ST8SIA4: variants seen among roughly 807,000 people sequenced by gnomAD.
ST8SIA4 encodes ST8 alpha-N-acetyl-neuraminide alpha-2,8-sialyltransferase 4, also known as CMP-N-acetylneuraminate-poly-alpha-2,8-sialyltransferase.
In ST8SIA4, 15 loss-of-function variants were observed where a neutral mutation model predicts 33.9. The observed-to-expected ratio is 0.44, with a 90% CI of 0.30 to 0.68. ST8SIA4 has a LOEUF of 0.68. Among genes scored for constraint, ST8SIA4 ranks in the 30% least tolerant of loss-of-function variants. The probability of loss-of-function intolerance (pLI) is 0.10; values close to 1 mark genes in which losing one functional copy is unlikely to be tolerated. For synonymous variants in ST8SIA4, 171 were observed against 151.2 expected, an observed-to-expected ratio of 1.13 and a Z score of -0.96; for missense variants, 321 against 428.0, an observed-to-expected ratio of 0.75 and a Z score of 2.21.
intron 3 of ST8SIA4, among the ~76,000 whole-genome samples, chr5:100,871,615 C>A (rs1000994334): frequency 1.3e-5 from 2 of 152,032 alleles, no homozygotes; most frequent in Non-Finnish European, 2.9e-5. Context: ...TTATTCATAT[C>A]AGACAATAAT....
At chr5:100,823,185 C>T (rs1057256982) in intron 4 of ST8SIA4, among the ~76,000 whole-genome samples, 6 of 151,964 alleles carry the variant, frequency 3.9e-5, no homozygotes, top group East Asian at 1.9e-4. Flanking sequence ...AAAACCAAGA[C>T]GGTGATGAGA....
chr5:100,827,114 TCTC>T (rs1342242434), intron 4 of ST8SIA4, among the ~76,000 whole-genome samples: 1 of 152,106 alleles, frequency 6.6e-6, no homozygotes, highest in Non-Finnish European at 1.5e-5. Flanking sequence ...TCACTGGGCT[TCTC>T]CTGACACTAA....
At chr5:100,902,781 TA>T in intron 1 of ST8SIA4, 61 bp downstream of exon 1, 1 of 1,370,030 alleles carries the variant, frequency 7.3e-7, no homozygotes, top group South Asian at 1.2e-5. Context: ...CTACCCTCTA[TA>T]TTCACATTTC....
At chr5:100,890,559 T>C (rs1451431809) in intron 2 of ST8SIA4, 1 of 151,896 alleles carries the variant, frequency 6.6e-6, no homozygotes, top group Admixed American at 6.6e-5. Context: ...TAATGCTTAA[T>C]ATGCATGCTT....
intron 4 of ST8SIA4, among the ~76,000 whole-genome samples, chr5:100,848,669 T>C (rs890911159): frequency 2.7e-5 from 4 of 150,304 alleles, no homozygotes; most frequent in African/African-American, 9.7e-5. Flanking sequence ...AATATGTATG[T>C]ATACTAATTT....
intron 3 of ST8SIA4, among the ~76,000 whole-genome samples, chr5:100,884,766 C>A (rs1000594537): frequency 6.6e-6 from 1 of 152,120 alleles, no homozygotes; most frequent in Non-Finnish European, 1.5e-5. Context: ...GGAAATGATA[C>A]AAACTTTGAG....
Position 100,808,613 on chromosome 5 carries a change from A to C in ST8SIA4, c.*3234T>G, listed in dbSNP as rs1426380505. The C allele has an allele frequency of 6.5e-6, 1 of 152,700 alleles. No individual in the cohort carries two copies. The highest frequency in any genetic ancestry group is 1.9e-4 in the East Asian group (1 of 5,208). 9.5% of individuals were successfully genotyped at this position (152,700 alleles called of 1,614,324 possible). A position where few individuals can be genotyped will look rare whatever the true frequency, so the allele number is the denominator to read the frequency against. ...GGGTTAAATAGTAAAAAATAAATTAAAATATTAAAATTGTGAATATATATT... is the reference window on the plus strand; with the variant it reads ...GGGTTAAATAGTAAAAAATAAATTACAATATTAAAATTGTGAATATATATT... On this transcript the variant is annotated 3_prime_UTR_variant, in exon 5 of 5. Transcript: ENST00000231461.
At chr5:100,812,207 G>A (rs1750831178) in intron 4 of ST8SIA4, 78 bp from the exon 5 acceptor site, 1 of 1,215,892 alleles carries the variant, frequency 8.2e-7, no homozygotes, top group East Asian at 2.4e-5. Context: ...AGTATATAAT[G>A]CAGAAAACTT....
At chr5:100,892,565 A>T (rs1337090945) in intron 2 of ST8SIA4, among the ~76,000 whole-genome samples, 1 of 152,116 alleles carries the variant, frequency 6.6e-6, no homozygotes, top group Non-Finnish European at 1.5e-5. Context: ...AGGGATTAGT[A>T]ATAGGGTTGA....
At chr5:100,812,302 T>C (rs184938147) in intron 4 of ST8SIA4, among the ~76,000 whole-genome samples, 173 bp from the exon 5 acceptor site, 5 of 152,342 alleles carry the variant, frequency 3.3e-5, no homozygotes, top group Admixed American at 3.3e-4. Flanking sequence ...TTTTATTTTA[T>C]TTCTTCTTTA....
At chr5:100,884,867 C>T (rs1752503023) in intron 3 of ST8SIA4, among the ~76,000 whole-genome samples, 1 of 152,078 alleles carries the variant, frequency 6.6e-6, no homozygotes, top group African/African-American at 2.4e-5. Flanking sequence ...ACAACTTGGC[C>T]CCCAGTGTCA....
chr5:100,812,287 G>T (rs1750832142), intron 4 of ST8SIA4, among the ~76,000 whole-genome samples, 158 bp from the exon 5 acceptor site: 1 of 152,022 alleles, frequency 6.6e-6, no homozygotes, highest in African/African-American at 2.4e-5. Context: ...TAGAAAATTT[G>T]ATGCTTTTAT....
At chr5:100,850,521 T>C (rs1245394949) in intron 4 of ST8SIA4, among the ~76,000 whole-genome samples, 1 of 151,956 alleles carries the variant, frequency 6.6e-6, no homozygotes, top group Admixed American at 6.5e-5. Flanking sequence ...GTTTAAATCT[T>C]TTAATAATAG....
intron 3 of ST8SIA4, chr5:100,885,281 C>CCTT (rs1752511346): frequency 1.2e-6 from 1 of 810,624 alleles, no homozygotes; most frequent in East Asian, 1.2e-4. Context: ...AATCTCTGAC[C>CCTT]CTTCACCCAA....
intron 4 of ST8SIA4, chr5:100,816,699 A>T: frequency 2.3e-6 from 1 of 444,146 alleles, no homozygotes; most frequent in Non-Finnish European, 4.5e-6. Flanking sequence ...TTATAAGCAA[A>T]GTTTCCATTA....
chr5:100,828,117 T>C (rs1751179985), intron 4 of ST8SIA4, among the ~76,000 whole-genome samples: 1 of 152,130 alleles, frequency 6.6e-6, no homozygotes, highest in Admixed American at 6.5e-5. Context: ...TACAAAAACA[T>C]GAGTCCACTA....
At position 100,807,409 on chromosome 5, in the gene ST8SIA4, T is replaced by A. The variant is rs1580442461; in HGVS notation, c.*4438A>T. On this transcript the variant is annotated 3_prime_UTR_variant, in exon 5 of 5. Transcript: ENST00000231461. ...AGCAATGCTATCTCTGTAAACTCTT[T>A]TTTTTTCCTGCTATTTACATTTGAA... is the stretch of plus-strand genomic sequence containing the variant. The A allele has an allele frequency of 1.3e-5, 2 of 152,656 alleles. No homozygotes were observed. Among genetic ancestry groups the A allele is most frequent in the South Asian group, 2.1e-4 (1 of 4,824 alleles). The allele number at this position is 152,656 out of a possible 1,614,324, so 9.5% of individuals were successfully genotyped here. A position where few individuals can be genotyped will look rare whatever the true frequency, so the allele number is the denominator to read the frequency against.
At chr5:100,848,213 TAA>T (rs1751608713) in intron 4 of ST8SIA4, among the ~76,000 whole-genome samples, 1 of 151,794 alleles carries the variant, frequency 6.6e-6, no homozygotes, top group South Asian at 2.1e-4. Flanking sequence ...CTGAAAATCC[TAA>T]GTGACCACAG....
chr5:100,871,312 T>C (rs1055721616), intron 3 of ST8SIA4, among the ~76,000 whole-genome samples: 1 of 152,088 alleles, frequency 6.6e-6, no homozygotes, highest in Non-Finnish European at 1.5e-5. Flanking sequence ...TACCAGCCAG[T>C]CAATTCCTCC....
Sources: allele counts gnomAD v4.1 joint callset (sites outside exome capture counted in the v4.1 genomes callset), GRCh38; gene constraint gnomAD v4.1.1; transcripts MANE v1.5; gene names NCBI Gene and HGNC (gene_info 2026-07-23, HGNC 2026-07-21).